Variants in LRRK2 observed in about 807,000 individuals in gnomAD.
LRRK2 encodes the protein leucine-rich repeat serine/threonine-protein kinase 2.
Under a neutral mutation model 302.6 loss-of-function variants are expected in LRRK2, and 203 were observed. The ratio of observed to expected loss-of-function variants is 0.67; its 90% CI spans 0.60 to 0.75. The LOEUF is 0.75. LRRK2 is among the 30% of genes least tolerant of loss of function. The pLI is 0.00. For synonymous variants in LRRK2, 1,066 were observed against 1,031.9 expected (o/e 1.03, Z -0.63); for missense variants, 2,830 against 2,951.0 (o/e 0.96, Z 0.95).
intron 18 of LRRK2, 54 bp from the exon 19 acceptor site, chr12:40,283,821 T>C: frequency 2.6e-6 from 4 of 1,512,718 alleles, no homozygotes; most frequent in Non-Finnish European, 3.6e-6. Flanking sequence ...GCCAGTCTCC[T>C]AAAAGGAAGA....
At chr12:40,350,800 C>G (rs575223939) in intron 43 of LRRK2, among the ~76,000 whole-genome samples, 2 of 151,938 alleles carry the variant, frequency 1.3e-5, no homozygotes, top group South Asian at 4.2e-4. Flanking sequence ...GTTTTTCTTT[C>G]TTGTTTTTTC....
chr12:40,244,258 T>G (rs1479128322), intron 7 of LRRK2, among the ~76,000 whole-genome samples: 3 of 152,194 alleles, frequency 2.0e-5, no homozygotes, highest in African/African-American at 7.2e-5. Context: ...TGCCTGCTTT[T>G]GCTTCATCAA....
chr12:40,304,185 A>G (rs367573727), intron 27 of LRRK2, 51 bp downstream of exon 27: 1 of 1,555,202 alleles, frequency 6.4e-7, no homozygotes, highest in African/African-American at 1.4e-5. Context: ...TTGCATCATT[A>G]CAAATTATCA....
chr12:40,266,641 C>T (rs954152378), intron 14 of LRRK2, among the ~76,000 whole-genome samples: 1 of 152,120 alleles, frequency 6.6e-6, no homozygotes, highest in African/African-American at 2.4e-5. Flanking sequence ...ACCCAGCCAT[C>T]CTGTTAGTGG....
At chr12:40,349,818 T>C (rs1489200537) in intron 43 of LRRK2, among the ~76,000 whole-genome samples, 4 of 152,242 alleles carry the variant, frequency 2.6e-5, no homozygotes, top group Non-Finnish European at 5.9e-5. Context: ...CTTCCTATTC[T>C]GGAATGGCAT....
At chr12:40,231,175 T>A (rs1211560717) in intron 2 of LRRK2, among the ~76,000 whole-genome samples, 1 of 152,114 alleles carries the variant, frequency 6.6e-6, no homozygotes, top group Non-Finnish European at 1.5e-5. Flanking sequence ...CTTCACCTAA[T>A]CCTTCATTAT....
chr12:40,248,729 G>C (rs1415220610), intron 7 of LRRK2, among the ~76,000 whole-genome samples: 1 of 152,190 alleles, frequency 6.6e-6, no homozygotes, highest in African/African-American at 2.4e-5. Flanking sequence ...CATAAGTCCA[G>C]TCTTCCTGCT....
chr12:40,266,908 G>C (rs1943041291), intron 14 of LRRK2, among the ~76,000 whole-genome samples: 1 of 148,512 alleles, frequency 6.7e-6, no homozygotes. Context: ...AACACCATAT[G>C]TTCTCACTCA....
chr12:40,308,762 T>G (rs568603897), intron 29 of LRRK2, 66 bp downstream of exon 29: 6 of 1,418,640 alleles, frequency 4.2e-6, no homozygotes, highest in African/African-American at 1.4e-5. Context: ...ATTCAAAAAC[T>G]GAGCTTTCTG....
At chr12:40,283,813 C>T (rs538593299) in intron 18 of LRRK2, 62 bp from the exon 19 acceptor site, 74 of 1,417,342 alleles carry the variant, frequency 5.2e-5, no homozygotes, top group African/African-American at 5.2e-4. Flanking sequence ...TTTGATTTGC[C>T]AGTCTCCTAA....
At chr12:40,345,622 C>CAAAACAAA (rs1946168178) in intron 41 of LRRK2, among the ~76,000 whole-genome samples, 1 of 67,528 alleles carries the variant, frequency 1.5e-5, no homozygotes, top group Non-Finnish European at 2.6e-5. Context: ...GACTCCATCT[C>CAAAACAAA]AAAAAAAAAA....
At chr12:40,250,022 T>C in intron 8 of LRRK2, 77 bp downstream of exon 8, 2 of 1,551,870 alleles carry the variant, frequency 1.3e-6, no homozygotes, top group Non-Finnish European at 8.8e-7. Flanking sequence ...AAGAGAATCA[T>C]ATGTACAGAT....
intron 7 of LRRK2, among the ~76,000 whole-genome samples, chr12:40,248,103 A>T (rs891790650): frequency 2.6e-5 from 4 of 152,100 alleles, no homozygotes; most frequent in African/African-American, 9.7e-5. Flanking sequence ...CTGATATCTG[A>T]TAATGTTTTA....
rs1485268496 is a variant in LRRK2, at chr12:40,298,796, T to TATATATATAA, written c.3347+306_3347+307insTATATAAATA. 0.02 allele frequency among the ~76,000 whole-genome samples: 2,381 copies of TATATATATAA among 117,356 alleles called. 234 individuals carry two copies. Among genetic ancestry groups the TATATATATAA allele is most frequent in the African/African-American group, 0.07 (2,216 of 31,466 alleles). 77.0% of individuals were successfully genotyped at this position (117,356 alleles called of 152,430 possible). ...TCAAAGAAATATATATATATATATA[T>TATATATATAA]ATAATATATGTATTATAATATATAA... On this transcript the variant is annotated intron_variant, in intron 24 of 50. Coordinates refer to ENST00000298910, the MANE Select transcript of LRRK2 (RefSeq NM_198578.4).
At chr12:40,246,831 C>T (rs1242969599) in intron 7 of LRRK2, among the ~76,000 whole-genome samples, 2 of 152,154 alleles carry the variant, frequency 1.3e-5, no homozygotes, top group Non-Finnish European at 2.9e-5. Flanking sequence ...CACAAGACTA[C>T]TCTGGCGTTC....
chr12:40,257,096 G>A, intron 11 of LRRK2, 152 bp from the exon 12 acceptor site: 1 of 629,624 alleles, frequency 1.6e-6, no homozygotes. Context: ...AAATAAACAT[G>A]AATTATCTTT....
chr12:40,367,126 G>A, intron 50 of LRRK2, 49 bp downstream of exon 50: 1 of 1,333,864 alleles, frequency 7.5e-7, no homozygotes, highest in Non-Finnish European at 1.1e-6. Context: ...TGATGTGAAT[G>A]ATGGTAACAT....
chr12:40,323,676 C>T (rs536504359), intron 38 of LRRK2, among the ~76,000 whole-genome samples: 1 of 152,064 alleles, frequency 6.6e-6, no homozygotes, highest in South Asian at 2.1e-4. Context: ...AGGAAGCACA[C>T]CTCAGTGTAG....
intron 7 of LRRK2, among the ~76,000 whole-genome samples, chr12:40,245,282 C>A (rs1941929104): frequency 6.6e-6 from 1 of 151,818 alleles, no homozygotes; most frequent in African/African-American, 2.4e-5. Flanking sequence ...AGCTAGTTAC[C>A]ATCACAGCAC....
Sources: allele counts gnomAD v4.1 joint callset (sites outside exome capture counted in the v4.1 genomes callset), GRCh38; gene constraint gnomAD v4.1.1; transcripts MANE v1.5; gene names NCBI Gene and HGNC (gene_info 2026-07-23, HGNC 2026-07-21).